KLF13: variants seen among roughly 807,000 people sequenced by gnomAD.
The protein encoded by KLF13 is Krueppel-like factor 13.
KLF13 carries 8 observed loss-of-function variants against 16.7 expected under a neutral mutation model. The observed-to-expected ratio is 0.48, with a 90% CI of 0.28 to 0.87. The LOEUF is 0.87. KLF13 is among the 40% of genes least tolerant of loss of function. The pLI is 0.10. For synonymous variants in KLF13, 245 were observed against 208.4 expected (o/e 1.18, Z -1.51); for missense variants, 447 against 452.2 (o/e 0.99, Z 0.10).
chr15:31,382,111 C>T (rs2039734416), downstream of KLF13, among the ~76,000 whole-genome samples: 1 of 152,192 alleles, frequency 6.6e-6, no homozygotes, highest in South Asian at 2.1e-4. Context: ...GATACTCAGG[C>T]CCCCAGGCCA....
At chr15:31,334,837 T>G (rs2038899944) in intron 1 of KLF13, among the ~76,000 whole-genome samples, 1 of 152,234 alleles carries the variant, frequency 6.6e-6, no homozygotes, top group Non-Finnish European at 1.5e-5. Flanking sequence ...GCAGCCACTG[T>G]GCTGTGTGGC....
At chr15:31,365,469 G>T (rs1314383622) in intron 1 of KLF13, among the ~76,000 whole-genome samples, 1 of 152,198 alleles carries the variant, frequency 6.6e-6, no homozygotes. Context: ...AGAGGCCCTT[G>T]CGGCAGACGC....
At chr15:31,378,201 G>A (rs1261384923), downstream of KLF13, among the ~76,000 whole-genome samples, 1 of 152,136 alleles carries the variant, frequency 6.6e-6, no homozygotes, top group Non-Finnish European at 1.5e-5. Context: ...CCCTCAAAGG[G>A]CACAGCACCT....
At chr15:31,347,449 T>C (rs970145167) in intron 1 of KLF13, among the ~76,000 whole-genome samples, 2 of 152,174 alleles carry the variant, frequency 1.3e-5, no homozygotes, top group African/African-American at 4.8e-5. Flanking sequence ...AACCTGTGTG[T>C]GCTAGCGTCA....
intron 1 of KLF13, among the ~76,000 whole-genome samples, chr15:31,361,077 G>A (rs997275536): frequency 6.6e-6 from 1 of 152,198 alleles, no homozygotes; most frequent in African/African-American, 2.4e-5. Flanking sequence ...GACCGTGGAG[G>A]TCCCCCACAG....
At chr15:31,328,020 G>A (rs1246966756) in intron 1 of KLF13, among the ~76,000 whole-genome samples, 1 of 147,226 alleles carries the variant, frequency 6.8e-6, no homozygotes, top group Admixed American at 6.7e-5. Flanking sequence ...CCCCCGCCGG[G>A]CACGCCCCCT....
intron 1 of KLF13, among the ~76,000 whole-genome samples, chr15:31,434,517 T>C (rs539109101): frequency 8.0e-4 from 122 of 152,126 alleles, no homozygotes; most frequent in African/African-American, 2.9e-3. Flanking sequence ...GGAGAGGCTG[T>C]GGATGGAGGT....
In KLF13 at chr15:31,327,814, G is replaced by C. The variant is rs1476463943; in HGVS notation, c.577+25G>C. ...GGTCAGTGGGGCGGCGCGGGCGCCC[G>C]GATCGCGCGGACGGGGTCGGCGCGA... On this transcript the variant is annotated intron_variant, in intron 1 of 1. Coordinates refer to ENST00000307145, the MANE Select transcript of KLF13 (RefSeq NM_015995.4). The C allele has an allele frequency of 2.1e-6, 3 of 1,443,424 alleles. No homozygotes were observed. In the African/African-American group the frequency reaches 4.4e-5, roughly 21 times the overall value. The allele number at this position is 1,443,424 out of a possible 1,614,324, so 89.4% of individuals were successfully genotyped here. A position where few individuals can be genotyped will look rare whatever the true frequency, so the allele number is the denominator to read the frequency against.
chr15:31,329,828 C>T (rs2038795463), intron 1 of KLF13, among the ~76,000 whole-genome samples: 1 of 152,192 alleles, frequency 6.6e-6, no homozygotes. Context: ...GGAAGCCGGC[C>T]TCCAAGTTGG....
At chr15:31,388,115 G>A (rs1162654668), upstream of KLF13, among the ~76,000 whole-genome samples, 1 of 152,192 alleles carries the variant, frequency 6.6e-6, no homozygotes, top group Non-Finnish European at 1.5e-5. Flanking sequence ...CTGGTACCTG[G>A]AAGTGCCTGA....
At chr15:31,420,582 C>A (rs929761982) in intron 1 of KLF13, 9 of 454,706 alleles carry the variant, frequency 2.0e-5, no homozygotes, top group African/African-American at 1.6e-4. Context: ...AACATGCATG[C>A]TGTTGAGTTC....
intron 1 of KLF13, among the ~76,000 whole-genome samples, chr15:31,369,688 C>G (rs2039527707): frequency 6.6e-6 from 1 of 152,170 alleles, no homozygotes; most frequent in Non-Finnish European, 1.5e-5. Context: ...CAGTGACCTC[C>G]CGGGGTCTCT....
chr15:31,339,386 G>A (rs185212228), intron 1 of KLF13, among the ~76,000 whole-genome samples: 2 of 151,990 alleles, frequency 1.3e-5, no homozygotes, highest in African/African-American at 2.4e-5. Flanking sequence ...TCTTTTAGAC[G>A]GTGGCAAGGC....
At chr15:31,327,898 C>CG in intron 1 of KLF13, 109 bp downstream of exon 1, 1 of 1,135,476 alleles carries the variant, frequency 8.8e-7, no homozygotes, top group Non-Finnish European at 1.1e-6. Flanking sequence ...CCGGGCGGGC[C>CG]GGAACGCCCG....
intron 1 of KLF13, among the ~76,000 whole-genome samples, chr15:31,431,416 A>AT (rs1484921227): frequency 2.6e-5 from 4 of 152,238 alleles, no homozygotes; most frequent in Non-Finnish European, 5.9e-5. Context: ...TATTCATATA[A>AT]TGGATTTTAT....
chr15:31,352,433 G>T (rs569862063), intron 1 of KLF13, among the ~76,000 whole-genome samples: 1 of 152,254 alleles, frequency 6.6e-6, no homozygotes, highest in Non-Finnish European at 1.5e-5. Context: ...TGTGAGCTCT[G>T]CCTGGCCCAG....
At chr15:31,335,778 G>T (rs2038920454) in intron 1 of KLF13, among the ~76,000 whole-genome samples, 1 of 152,326 alleles carries the variant, frequency 6.6e-6, no homozygotes, top group Middle Eastern at 3.4e-3. Flanking sequence ...TGCCACAGGG[G>T]TGTGGCCTAC....
At chr15:31,414,470 C>T (rs1001688281) in intron 1 of KLF13, among the ~76,000 whole-genome samples, 8 of 152,070 alleles carry the variant, frequency 5.3e-5, no homozygotes, top group Non-Finnish European at 8.8e-5. Flanking sequence ...TATATGTTGT[C>T]TGCAAGAAAG....
chr15:31,337,415 G>C (rs2038948791), intron 1 of KLF13, among the ~76,000 whole-genome samples: 3 of 152,206 alleles, frequency 2.0e-5, no homozygotes, highest in Admixed American at 2.0e-4. Context: ...GATGCCCAAG[G>C]TTTTATTATC....
Sources: gnomAD v4.1 joint callset for allele counts (sites outside exome capture counted in the v4.1 genomes callset) on GRCh38, gnomAD v4.1.1 for gene constraint, MANE v1.5 for transcripts, NCBI Gene and HGNC (gene_info 2026-07-23, HGNC 2026-07-21) for gene names.